The following IL18RAP variants were observed in gnomAD, a reference collection of about 807,000 sequenced individuals.
IL18RAP encodes interleukin 18 receptor accessory protein.
IL18RAP carries 37 observed loss-of-function variants against 58.1 expected under a neutral mutation model. The observed-to-expected ratio is 0.64, with a 90% CI of 0.49 to 0.84. The LOEUF is 0.84. Among genes scored for constraint, IL18RAP ranks in the 40% least tolerant of loss-of-function variants. The pLI, the probability that IL18RAP is intolerant of heterozygous loss-of-function variation, is 0.00. For missense variants in IL18RAP, 667 were observed against 704.8 expected (o/e 0.95, Z 0.61); for synonymous variants, 268 against 257.5 (o/e 1.04, Z -0.39).
intron 3 of IL18RAP, among the ~76,000 whole-genome samples, chr2:102,436,177 C>G (rs1045834413): frequency 6.6e-6 from 1 of 152,038 alleles, no homozygotes; most frequent in South Asian, 2.1e-4. Flanking sequence ...AAAAAAGATA[C>G]ATTATTCCCC....
At position 102,452,340 on chromosome 2, in the gene IL18RAP, T is replaced by A; in HGVS notation, c.*159T>A. The A allele has an allele frequency of 1.5e-6, 1 of 672,346 alleles. No homozygotes were observed. The highest frequency in any genetic ancestry group is 2.4e-6 in the Non-Finnish European group (1 of 412,624). 41.6% of individuals were successfully genotyped at this position (672,346 alleles called of 1,614,324 possible). On this transcript the variant is annotated 3_prime_UTR_variant, in exon 10 of 10. Coordinates refer to ENST00000687160, the MANE Select transcript of IL18RAP (RefSeq NM_001393487.1). ...ATGGACAATGGAGTGGGATTGAGAC[T>A]GTGGTTTAGAGCCTTTGATTTCCTG...
intron 3 of IL18RAP, among the ~76,000 whole-genome samples, chr2:102,432,039 A>G (rs1305590927): frequency 1.3e-5 from 2 of 152,146 alleles, no homozygotes; most frequent in Non-Finnish European, 2.9e-5. Context: ...AGTTGAGGAA[A>G]CAGCCACCTC....
chr2:102,439,928 G>C (rs2104355414), intron 4 of IL18RAP: 1 of 152,354 alleles, frequency 6.6e-6, no homozygotes, highest in East Asian at 1.9e-4. Context: ...CCTAGGAAGT[G>C]GGCATAGAGA....
chr2:102,450,871 G>A lies in IL18RAP; in HGVS notation c.1234G>A (p.Val412Ile), dbSNP rs552650320. The change falls in exon 9 of 10, where the codon GTA (valine) becomes ATA (isoleucine). Residue 412 changes from valine (V) to isoleucine (I), a missense_variant. Val to Ile is a conservative substitution (Grantham distance 29, BLOSUM62 3). Transcript: ENST00000687160. ...LGDKKDFDAF[V>I]SYAKWSSFPS... ...AGATAAAAAGGATTTTGATGCTTTC[G>A]TATCCTATGCAAAATGGAGCTCTTT... The A allele has an allele frequency of 1.1e-5, 17 of 1,601,298 alleles. No homozygotes were observed. Among genetic ancestry groups the A allele is most frequent in the African/African-American group, 2.7e-5 (2 of 74,222 alleles).
intron 8 of IL18RAP, among the ~76,000 whole-genome samples, chr2:102,448,011 G>C (rs1397877350): frequency 6.6e-6 from 1 of 152,162 alleles, no homozygotes; most frequent in African/African-American, 2.4e-5. Flanking sequence ...TGGGATTACA[G>C]CCGTGAGCCA....
intron 9 of IL18RAP, among the ~76,000 whole-genome samples, chr2:102,451,384 C>A (rs1683756234): frequency 6.6e-6 from 1 of 152,242 alleles, no homozygotes; most frequent in Non-Finnish European, 1.5e-5. Flanking sequence ...GTCAAGCAGG[C>A]TTCTCAGGCC....
chr2:102,438,908 T>G (rs2104351670), intron 4 of IL18RAP: 1 of 152,324 alleles, frequency 6.6e-6, no homozygotes, highest in Middle Eastern at 3.4e-3. Context: ...TATGGGCACA[T>G]GGAGGCCCAC....
upstream of IL18RAP, among the ~76,000 whole-genome samples, chr2:102,421,617 G>T (rs1350538475): frequency 6.6e-6 from 1 of 152,178 alleles, no homozygotes; most frequent in Non-Finnish European, 1.5e-5. Flanking sequence ...GCTGTCAGTT[G>T]TCAGCAATGG....
intron 8 of IL18RAP, among the ~76,000 whole-genome samples, chr2:102,450,073 G>A (rs1683669110): frequency 6.6e-6 from 1 of 152,078 alleles, no homozygotes; most frequent in South Asian, 2.1e-4. Flanking sequence ...ACTTTGACAG[G>A]GATTGTGGAA....
At chr2:102,443,755 C>T (rs1021739753) in intron 6 of IL18RAP, among the ~76,000 whole-genome samples, 2 of 152,046 alleles carry the variant, frequency 1.3e-5, no homozygotes, top group Non-Finnish European at 2.9e-5. Flanking sequence ...ATAAGTCTGA[C>T]AAAAAATATG....
chr2:102,444,332 C>A (rs892709171), intron 6 of IL18RAP, among the ~76,000 whole-genome samples: 3 of 152,080 alleles, frequency 2.0e-5, no homozygotes, highest in African/African-American at 4.8e-5. Context: ...TTTGACATCA[C>A]CCACCCTTGG....
chr2:102,423,350 A>G lies in IL18RAP; in HGVS notation c.70+3A>G, dbSNP rs1681699640. Reference sequence around the variant, plus strand: ...AATTAAAGGATTTAATATTTCAGGTAGGGGTTTTCACTTTTCATGTTAGCA... The same window carrying G: ...AATTAAAGGATTTAATATTTCAGGTGGGGGTTTTCACTTTTCATGTTAGCA... On this transcript the variant is annotated splice_donor_region_variant and intron_variant, in intron 1 of 9. Transcript: ENST00000687160. The G allele has an allele frequency of 6.2e-7, 1 of 1,613,168 alleles. No individual in the cohort carries two copies. Among genetic ancestry groups the G allele is most frequent in the South Asian group, 1.1e-5 (1 of 91,078 alleles).
At chr2:102,426,075 C>A (rs1681919588) in intron 3 of IL18RAP, among the ~76,000 whole-genome samples, 1 of 152,130 alleles carries the variant, frequency 6.6e-6, no homozygotes, top group African/African-American at 2.4e-5. Flanking sequence ...CATACACATG[C>A]ATATAAAGGC....
chr2:102,425,131 G>A (rs1025671957), intron 3 of IL18RAP, among the ~76,000 whole-genome samples: 2 of 152,168 alleles, frequency 1.3e-5, no homozygotes, highest in African/African-American at 4.8e-5. Context: ...TGGAATCCAG[G>A]AATAGAATCT....
intron 3 of IL18RAP, among the ~76,000 whole-genome samples, chr2:102,436,795 A>G (rs997309708): frequency 2.6e-5 from 3 of 116,910 alleles, no homozygotes; most frequent in Admixed American, 8.0e-5. Flanking sequence ...ATGTGTGTGT[A>G]TGTATATATA....
intron 3 of IL18RAP, among the ~76,000 whole-genome samples, chr2:102,433,386 C>G (rs1682522452): frequency 6.6e-6 from 1 of 152,138 alleles, no homozygotes; most frequent in South Asian, 2.1e-4. Flanking sequence ...CTGCACCCAG[C>G]TAATTTTAAA....
intron 4 of IL18RAP, among the ~76,000 whole-genome samples, chr2:102,438,362 A>G (rs553402644): frequency 6.6e-6 from 1 of 152,280 alleles, no homozygotes; most frequent in South Asian, 2.1e-4. Flanking sequence ...CAAGATACAA[A>G]CCACACAGAG....
intron 4 of IL18RAP, among the ~76,000 whole-genome samples, chr2:102,441,015 G>A (rs1683071104): frequency 6.6e-6 from 1 of 152,170 alleles, no homozygotes. Context: ...GGAAAAGACA[G>A]GGATAGGAGC....
intron 8 of IL18RAP, among the ~76,000 whole-genome samples, chr2:102,448,622 GTGAGGAGT>G (rs1010326583): frequency 1.3e-5 from 2 of 152,148 alleles, no homozygotes; most frequent in Non-Finnish European, 2.9e-5. Context: ...TAGGAATTCA[GTGAGGAGT>G]TGTCAGATCC....
Sources: allele counts gnomAD v4.1 joint callset (sites outside exome capture counted in the v4.1 genomes callset), GRCh38; gene constraint gnomAD v4.1.1; transcripts MANE v1.5; gene names NCBI Gene and HGNC (gene_info 2026-07-23, HGNC 2026-07-21).